VWF: variants seen among roughly 807,000 people sequenced by gnomAD.
VWF encodes von Willebrand factor.
VWF carries 176 observed loss-of-function variants against 308.6 expected under a neutral mutation model. The observed-to-expected ratio is 0.57, with a 90% CI of 0.50 to 0.65. The LOEUF (loss-of-function observed/expected upper bound fraction) is 0.65, where lower values mean the gene tolerates loss of function less well. Among genes scored for constraint, VWF ranks in the 30% least tolerant of loss-of-function variants. The probability of loss-of-function intolerance (pLI) is 0.00; values close to 1 mark genes in which losing one functional copy is unlikely to be tolerated. For synonymous variants in VWF, 1,385 were observed against 1,443.4 expected (o/e 0.96, Z 0.92); for missense variants, 3,146 against 3,648.2 (o/e 0.86, Z 3.55).
rs529863498 is a variant in VWF at position 6,075,989 on chromosome 12, G to A, written c.658-438C>T. On this transcript the variant is annotated intron_variant, in intron 6 of 51. Transcript: ENST00000261405. The surrounding 1 kb of genome is among the most constrained non-coding windows in gnomAD (Gnocchi z 4.7). ...CTTCTTCACTATGAATGAGGGGGATGGGACAAGGGGCTTTATAGAGATTTC... is the reference window on the plus strand; with the variant it reads ...CTTCTTCACTATGAATGAGGGGGATAGGACAAGGGGCTTTATAGAGATTTC... 4.6e-5 allele frequency among the ~76,000 whole-genome samples: 7 copies of A among 152,304 alleles called. No homozygotes were observed. The South Asian group carries it at 1.5e-3, about 32-fold the overall frequency.
chr12:5,982,117 G>C, intron 41 of VWF, 126 bp from the exon 42 acceptor site: 1 of 839,300 alleles, frequency 1.2e-6, no homozygotes, highest in Non-Finnish European at 1.9e-6. Flanking sequence ...TGAGGGCCAA[G>C]CTCACGGGCT....
At chr12:6,034,971 C>T (rs1009822482) in intron 19 of VWF, 145 bp from the exon 20 acceptor site, 7 of 1,030,728 alleles carry the variant, frequency 6.8e-6, no homozygotes, top group African/African-American at 4.8e-5. Flanking sequence ...GGACCTGTAG[C>T]GTGGAGTGTG....
At chr12:6,027,196 C>G (rs1944204951) in intron 22 of VWF, among the ~76,000 whole-genome samples, 1 of 152,102 alleles carries the variant, frequency 6.6e-6, no homozygotes. Context: ...CGTGAACTAC[C>G]ATTACCCCCA....
intron 5 of VWF, among the ~76,000 whole-genome samples, chr12:6,099,078 GGGAGGCCGAGGCAGGT>G (rs1315066830): frequency 1.3e-5 from 2 of 152,010 alleles, no homozygotes; most frequent in Non-Finnish European, 2.9e-5. Context: ...CTTGCACTTT[GGGAGGCCGAGGCAGGT>G]GGATCACTTG....
chr12:6,114,386 G>A (rs1021735202), intron 3 of VWF, among the ~76,000 whole-genome samples: 2 of 152,202 alleles, frequency 1.3e-5, no homozygotes, highest in African/African-American at 4.8e-5. Context: ...GGTGCCACAG[G>A]GGAGCCCGGA....
chr12:5,995,316 G>C, intron 35 of VWF, among the ~76,000 whole-genome samples: 1 of 152,094 alleles, frequency 6.6e-6, no homozygotes, highest in East Asian at 1.9e-4. Flanking sequence ...AAAATTTTTG[G>C]AAGGATTTTT....
chr12:6,065,279 GAGACAC>G lies in VWF; in HGVS notation c.1157-12_1157-7del, dbSNP rs1170408805. The G allele has an allele frequency of 6.2e-7, 1 of 1,614,010 alleles. No individual in the cohort carries two copies. Among genetic ancestry groups the G allele is most frequent in the Admixed American group, 1.7e-5 (1 of 59,992 alleles). On this transcript the variant is annotated splice_polypyrimidine_tract_variant and splice_region_variant and intron_variant, in intron 10 of 51. Coordinates refer to ENST00000261405, the MANE Select transcript of VWF (RefSeq NM_000552.5). Reference sequence around the variant, plus strand: ...ACCTGTGACAAGGCACTCCCCTGGAGAGACACAGAGGAAGGGAGAAGAATGGGAGGT... The same window carrying G: ...ACCTGTGACAAGGCACTCCCCTGGAGAGAGGAAGGGAGAAGAATGGGAGGT...
rs552388750 is a variant in VWF, at chr12:6,075,799, A to G, written c.658-248T>C. Among the ~76,000 whole-genome samples the G allele has an allele frequency of 6.6e-6, 1 of 152,354 alleles. No homozygotes were observed. Among genetic ancestry groups the G allele is most frequent in the African/African-American group, 2.4e-5 (1 of 41,580 alleles). ...CTGAGTCCTGGAAATGCAGAGTCCA[A>G]GGCCCTGGATTGCCATGGTGGGCAG... On this transcript the variant is annotated intron_variant, in intron 6 of 51. Transcript: ENST00000261405. The surrounding 1 kb of genome is among the most constrained non-coding windows in gnomAD (Gnocchi z 4.7).
chr12:6,018,076 T>A (rs1287417159), intron 28 of VWF, among the ~76,000 whole-genome samples: 5 of 143,746 alleles, frequency 3.5e-5, no homozygotes, highest in African/African-American at 1.3e-4. Flanking sequence ...TTTTTTTTTT[T>A]ACTCCTTATT....
At chr12:6,116,194 G>C (rs1945364290) in intron 3 of VWF, among the ~76,000 whole-genome samples, 1 of 152,202 alleles carries the variant, frequency 6.6e-6, no homozygotes, top group African/African-American at 2.4e-5. Context: ...CTTAGGAAAA[G>C]AGAGGCTGGC....
Position 6,108,975 on chromosome 12 carries a change from C to T in VWF, c.532+1399G>A, listed in dbSNP as rs577711530. 2.5e-3 allele frequency among the ~76,000 whole-genome samples: 343 copies of T among 139,974 alleles called. 1 individual carries two copies. Among genetic ancestry groups the T allele is most frequent in the African/African-American group, 7.7e-3 (289 of 37,460 alleles). The allele number at this position is 139,974 out of a possible 152,430, so 91.8% of individuals were successfully genotyped here. A position where few individuals can be genotyped will look rare whatever the true frequency, so the allele number is the denominator to read the frequency against. On this transcript the variant is annotated intron_variant, in intron 5 of 51. Coordinates refer to ENST00000261405, the MANE Select transcript of VWF (RefSeq NM_000552.5). ...CAGCCTGGGTGACAGAGCGAGACTC[C>T]GTCTCAAAAAAAAAAAAAAAAAAAT... is the stretch of plus-strand genomic sequence containing the variant.
In VWF at chr12:6,065,167, G is replaced by C; in HGVS notation, c.1263C>G (p.His421Gln). Residue 421 changes from histidine (H) to glutamine (Q), a missense_variant, in exon 11 of 52, where the codon CAC becomes CAG. This residue lies in a region of VWF where 1,304 missense variants were observed against 1,353.0 expected (regional missense o/e 0.96). Coordinates refer to ENST00000261405, the MANE Select transcript of VWF (RefSeq NM_000552.5). ...QYLLARDCQD[H>Q]SFSIVIETVQ... ...CAGTCTCAATGACAATGGAGAAGGA[G>C]TGGTCCTGGCAATCCCGGGCCAGCA... 1 of 1,614,260 alleles carries C rather than the reference G, an allele frequency of 6.2e-7. No individual in the cohort carries two copies.
rs116024563 is a variant in VWF at position 5,988,299 on chromosome 12, G to C, written c.6799-2634C>G. 6.6e-3 allele frequency among the ~76,000 whole-genome samples: 1,010 copies of C among 152,278 alleles called. 13 individuals carry two copies. Among genetic ancestry groups the C allele is most frequent in the African/African-American group, 0.024 (978 of 41,556 alleles). ...TGGCGACAGCATGCAGGACGGAAAA[G>C]GGAAGGACTAGGAATAAAAACCAGA... On this transcript the variant is annotated intron_variant, in intron 38 of 51. Coordinates refer to ENST00000261405, the MANE Select transcript of VWF (RefSeq NM_000552.5).
chr12:6,119,382 T>C (rs1298659693), intron 3 of VWF, among the ~76,000 whole-genome samples: 1 of 152,066 alleles, frequency 6.6e-6, no homozygotes, highest in Non-Finnish European at 1.5e-5. Flanking sequence ...CAGCCTGGAG[T>C]TTGGCAACTG....
intron 50 of VWF, 145 bp from the exon 51 acceptor site, chr12:5,950,028 C>T (rs1943165354): frequency 4.1e-6 from 3 of 723,458 alleles, no homozygotes; most frequent in Non-Finnish European, 4.9e-6. Context: ...ATTCAGTTAT[C>T]CTGGTTCACC....
chr12:6,008,960 T>TA (rs1039399984), intron 34 of VWF, among the ~76,000 whole-genome samples: 38 of 152,276 alleles, frequency 2.5e-4, no homozygotes, highest in African/African-American at 8.9e-4. Context: ...TAAACACTGA[T>TA]ACGTAAAACC....
chr12:6,095,334 T>C, intron 6 of VWF, 126 bp downstream of exon 6: 1 of 1,452,174 alleles, frequency 6.9e-7, no homozygotes, highest in Non-Finnish European at 9.6e-7. Flanking sequence ...CAGTTAGTTT[T>C]GGAGGAAATG....
At chr12:5,986,796 A>G (rs1943684955) in intron 38 of VWF, among the ~76,000 whole-genome samples, 1 of 152,218 alleles carries the variant, frequency 6.6e-6, no homozygotes, top group South Asian at 2.1e-4. Flanking sequence ...ATGTTTTACC[A>G]CTGCCCTCAC....
chr12:6,114,511 A>G (rs1349794410), intron 3 of VWF, among the ~76,000 whole-genome samples: 1 of 152,214 alleles, frequency 6.6e-6, no homozygotes, highest in Admixed American at 6.5e-5. Context: ...ATGGGAGAGA[A>G]GGAGAGCCCC....
Sources: allele counts gnomAD v4.1 joint callset (sites outside exome capture counted in the v4.1 genomes callset), GRCh38; gene constraint gnomAD v4.1.1; regional missense constraint gnomAD v4.1.1; non-coding constraint Gnocchi (gnomAD v3.1); transcripts MANE v1.5; gene names NCBI Gene and HGNC (gene_info 2026-07-23, HGNC 2026-07-21).